The following CADM2 variants were observed in gnomAD, a reference collection of about 807,000 sequenced individuals.
CADM2 encodes cell adhesion molecule 2, also known as immunoglobulin superfamily member 4D.
A neutral mutation model predicts 49.8 loss-of-function variants in CADM2; 12 were observed. That is an observed-to-expected ratio of 0.24 (90% CI 0.15 to 0.39). The LOEUF is 0.39. CADM2 is among the 10% of genes least tolerant of loss of function. The probability of loss-of-function intolerance (pLI) is 1.00; values close to 1 mark genes in which losing one functional copy is unlikely to be tolerated. For synonymous variants in CADM2, 214 were observed against 175.4 expected, an observed-to-expected ratio of 1.22 and a Z score of -1.74; for missense variants, 378 against 492.3, an observed-to-expected ratio of 0.77 and a Z score of 2.20.
chr3:85,879,304 T>G (rs1259289593), intron 3 of CADM2, among the ~76,000 whole-genome samples: 1 of 152,044 alleles, frequency 6.6e-6, no homozygotes, highest in Non-Finnish European at 1.5e-5. Context: ...ACCTGCTTTA[T>G]TTTTCACATT....
intron 1 of CADM2, among the ~76,000 whole-genome samples, chr3:85,582,947 G>C (rs1428292836): frequency 6.6e-6 from 1 of 152,008 alleles, no homozygotes; most frequent in Non-Finnish European, 1.5e-5. Flanking sequence ...GTAAAATAAG[G>C]GTGGTAATAA....
At chr3:85,212,812 C>CTTTCTT (rs1275410284) in intron 1 of CADM2, among the ~76,000 whole-genome samples, 12 of 102,542 alleles carry the variant, frequency 1.2e-4, no homozygotes, top group African/African-American at 4.1e-4. Flanking sequence ...TCTTTTTCTT[C>CTTTCTT]TCTTTCTTTC....
chr3:85,859,213 C>CTTTTTTTT (rs1386491585), intron 3 of CADM2, among the ~76,000 whole-genome samples: 1 of 97,990 alleles, frequency 1.0e-5, no homozygotes. Context: ...TTGTGCTTTT[C>CTTTTTTTT]TTTTTTTTGT....
intron 2 of CADM2, among the ~76,000 whole-genome samples, chr3:85,764,587 G>A (rs527560834): frequency 7.9e-5 from 12 of 152,150 alleles, no homozygotes; most frequent in Admixed American, 5.2e-4. Context: ...ATTAGCATTT[G>A]AAAGACTTAA....
At chr3:85,320,817 T>G (rs917535742) in intron 1 of CADM2, among the ~76,000 whole-genome samples, 1 of 151,946 alleles carries the variant, frequency 6.6e-6, no homozygotes, top group African/African-American at 2.4e-5. Flanking sequence ...TTCCAGGATT[T>G]TATCACATTG....
chr3:85,858,903 A>T (rs2075413982), intron 3 of CADM2, among the ~76,000 whole-genome samples: 1 of 152,184 alleles, frequency 6.6e-6, no homozygotes, highest in African/African-American at 2.4e-5. Flanking sequence ...AACAGCCTAT[A>T]TGATAGTTTA....
rs544816682 is a variant in CADM2, at chr3:86,021,737, C to T, written c.971-43868C>T. Among the ~76,000 whole-genome samples, 16 of 152,174 alleles carry T rather than the reference C, an allele frequency of 1.1e-4. No homozygotes were observed. The South Asian group carries it at 3.3e-3, about 32-fold the overall frequency. On this transcript the variant is annotated intron_variant, in intron 8 of 9. Transcript: ENST00000383699. ...ATAATATTTGATTGCATATATGTAC[C>T]ACAAAATGATCTCACTTCTATGTGG...
Position 85,900,985 on chromosome 3 carries a change from A to G in CADM2, c.530-11388A>G, listed in dbSNP as rs769409716. 6.0e-4 allele frequency among the ~76,000 whole-genome samples: 92 copies of G among 152,182 alleles called. 1 individual carries two copies. Among genetic ancestry groups the G allele is most frequent in the Non-Finnish European group, 4.1e-4 (28 of 68,040 alleles). On this transcript the variant is annotated intron_variant, in intron 5 of 9. Transcript: ENST00000383699. ...AGATATTTTACAAAATTTATGAATCATATTTTACTAAAATTAACTCGCTAA... is the reference window on the plus strand; with the variant it reads ...AGATATTTTACAAAATTTATGAATCGTATTTTACTAAAATTAACTCGCTAA...
At chr3:85,151,315 T>C (rs1000401558) in intron 1 of CADM2, among the ~76,000 whole-genome samples, 11 of 152,184 alleles carry the variant, frequency 7.2e-5, no homozygotes, top group African/African-American at 2.7e-4. Context: ...TTCTGAATGA[T>C]TGTGTACTTT....
chr3:85,858,883 A>C (rs2075412810), intron 3 of CADM2, among the ~76,000 whole-genome samples: 1 of 152,212 alleles, frequency 6.6e-6, no homozygotes, highest in African/African-American at 2.4e-5. Context: ...ATATAGAAAA[A>C]AAGTAACAAA....
At chr3:85,417,500 T>G (rs1295532305) in intron 1 of CADM2, among the ~76,000 whole-genome samples, 1 of 152,134 alleles carries the variant, frequency 6.6e-6, no homozygotes, top group African/African-American at 2.4e-5. Context: ...CCTAATCAAA[T>G]GTAGGCAGAA....
At chr3:85,416,309 T>C (rs1476005823) in intron 1 of CADM2, among the ~76,000 whole-genome samples, 1 of 152,058 alleles carries the variant, frequency 6.6e-6, no homozygotes, top group Non-Finnish European at 1.5e-5. Context: ...ATGATGGCCT[T>C]TCACACAAAG....
At chr3:85,428,168 G>A (rs1240818019) in intron 1 of CADM2, among the ~76,000 whole-genome samples, 1 of 150,322 alleles carries the variant, frequency 6.7e-6, no homozygotes, top group Admixed American at 6.7e-5. Context: ...AATTCATATT[G>A]ACCAAAAGTG....
chr3:85,217,879 G>A (rs1457687585), intron 1 of CADM2, among the ~76,000 whole-genome samples: 3 of 152,010 alleles, frequency 2.0e-5, no homozygotes, highest in Non-Finnish European at 4.4e-5. Flanking sequence ...TCAATGATAA[G>A]AAATTACACT....
At chr3:85,573,287 G>A (rs943383919) in intron 1 of CADM2, among the ~76,000 whole-genome samples, 1 of 151,906 alleles carries the variant, frequency 6.6e-6, no homozygotes, top group East Asian at 1.9e-4. Flanking sequence ...CTGCTTCCCG[G>A]GTTCAAGTGA....
In CADM2 at chr3:85,901,934, A is replaced by T. The variant is rs549843656; in HGVS notation, c.530-10439A>T. ...GATTAGCTTAGCATAAGCTAATATC[A>T]TCTGTGTTGTAGCATATATCAGTAC... On this transcript the variant is annotated intron_variant, in intron 5 of 9. Transcript: ENST00000383699. Among the ~76,000 whole-genome samples the T allele has an allele frequency of 2.6e-5, 4 of 152,314 alleles. No homozygotes were observed. The South Asian group carries it at 8.3e-4, about 32-fold the overall frequency.
At chr3:85,018,606 C>T (rs560474219) in intron 1 of CADM2, among the ~76,000 whole-genome samples, 70 of 152,170 alleles carry the variant, frequency 4.6e-4, no homozygotes, top group African/African-American at 1.6e-3. Context: ...CCACCTGCCT[C>T]GGCCTCCCAA....
intron 1 of CADM2, among the ~76,000 whole-genome samples, chr3:85,622,768 T>C (rs940108381): frequency 2.0e-5 from 3 of 152,202 alleles, no homozygotes; most frequent in Non-Finnish European, 4.4e-5. Context: ...TCAACTTATT[T>C]GTAGCCACTG....
intron 1 of CADM2, among the ~76,000 whole-genome samples, chr3:85,521,546 A>T (rs924859167): frequency 6.6e-6 from 1 of 152,178 alleles, no homozygotes; most frequent in African/African-American, 2.4e-5. Context: ...CCTGAAAGCA[A>T]TTCTTTTCTG....
Sources: allele counts gnomAD v4.1 joint callset (sites outside exome capture counted in the v4.1 genomes callset), GRCh38; gene constraint gnomAD v4.1.1; transcripts MANE v1.5; gene names NCBI Gene and HGNC (gene_info 2026-07-23, HGNC 2026-07-21).